The following TOP1MT variants were observed in gnomAD, a reference collection of about 807,000 sequenced individuals.
TOP1MT encodes the protein DNA topoisomerase I, mitochondrial.
Under a neutral mutation model 73.9 loss-of-function variants are expected in TOP1MT, and 80 were observed. The ratio of observed to expected loss-of-function variants is 1.08; its 90% confidence interval spans 0.90 to 1.30. The LOEUF (loss-of-function observed/expected upper bound fraction) is 1.30. TOP1MT is among the 50% of genes most tolerant of loss of function. TOP1MT has a pLI of 0.00. For missense variants in TOP1MT, 815 were observed against 808.0 expected (o/e 1.01, Z -0.10); for synonymous variants, 338 against 326.4 (o/e 1.04, Z -0.38).
At chr8:143,340,495 C>A (rs1417398163) in intron 2 of TOP1MT, among the ~76,000 whole-genome samples, 1 of 152,082 alleles carries the variant, frequency 6.6e-6, no homozygotes, top group African/African-American at 2.4e-5. Flanking sequence ...TCCCTCTGGA[C>A]ACCCCAGCAT....
upstream of TOP1MT, chr8:143,359,178 C>T (rs868614824): frequency 3.1e-6 from 3 of 971,780 alleles, no homozygotes; most frequent in Middle Eastern, 5.3e-4. Context: ...TAGAGACTCC[C>T]CTGAAAATAG....
intron 2 of TOP1MT, among the ~76,000 whole-genome samples, chr8:143,330,182 G>A (rs556698749): frequency 1.6e-3 from 239 of 152,334 alleles, no homozygotes; most frequent in African/African-American, 5.3e-3. Context: ...GCACAGGCCC[G>A]AGGGGCTCAG....
chr8:143,318,033 G>A lies in TOP1MT; in HGVS notation c.1200C>T (p.Leu400=). The A allele has an allele frequency of 6.2e-7, 1 of 1,614,196 alleles. No homozygotes were observed. The highest frequency in any genetic ancestry group is 8.5e-7 in the Non-Finnish European group (1 of 1,180,030). ...FMENKDPRDD[L]FDRLTTTSLN... ...GCCGGCTTACGGTCAGCCTGTCGAA[G>A]AGGTCGTCCCGGGGGTCCTTGTTCT... Residue 400 remains leucine, a synonymous_variant, in exon 9 of 14, where the codon CTC becomes CTT. Transcript: ENST00000329245.
chr8:143,310,502 G>A (rs1026749609), intron 12 of TOP1MT: 3 of 310,628 alleles, frequency 9.7e-6, no homozygotes, highest in East Asian at 5.4e-5. Flanking sequence ...GACTGAGGCC[G>A]GCCCAAACAG....
intron 7 of TOP1MT, among the ~76,000 whole-genome samples, chr8:143,323,569 ACGC>A: frequency 1.8e-5 from 1 of 56,490 alleles, no homozygotes; most frequent in African/African-American, 3.7e-5. Flanking sequence ...ACACACATGC[ACGC>A]CACACACACA....
chr8:143,348,003 C>T (rs562704099), upstream of TOP1MT, among the ~76,000 whole-genome samples: 148 of 152,236 alleles, frequency 9.7e-4, 1 homozygote, highest in African/African-American at 3.4e-3. The surrounding 1 kb of genome is among the most constrained non-coding windows in gnomAD (Gnocchi z 4.6). Flanking sequence ...TGGGGCCTGA[C>T]CAGGGCCTCC....
In TOP1MT at chr8:143,324,371, C is replaced by A. The variant is rs1320048506; in HGVS notation, c.816+114G>T. The stretch of plus-strand genomic sequence containing the variant: ...CAGCATGACCTCAGCACGGGCTGGC[C>A]GACTCCCAGCCCATCTCAGAAGCCT... On this transcript the variant is annotated intron_variant, in intron 6 of 13. Coordinates refer to ENST00000329245, the MANE Select transcript of TOP1MT (RefSeq NM_052963.3). The A allele has an allele frequency of 2.0e-6, 3 of 1,502,128 alleles. No homozygotes were observed. In the Admixed American group the frequency reaches 6.0e-5, roughly 30 times the overall value. 93.0% of individuals were successfully genotyped at this position (1,502,128 alleles called of 1,614,324 possible).
chr8:143,356,059 T>C (rs940429443), upstream of TOP1MT: 2 of 152,208 alleles, frequency 1.3e-5, no homozygotes, highest in Non-Finnish European at 2.9e-5. Context: ...GAGAACAGGG[T>C]TACGTTGAGG....
chr8:143,327,317 C>G (rs550992143), intron 3 of TOP1MT: 1 of 152,644 alleles, frequency 6.6e-6, no homozygotes, highest in East Asian at 1.9e-4. Context: ...GGGAGAGCCG[C>G]AGATCACAGG....
intron 3 of TOP1MT, among the ~76,000 whole-genome samples, 168 bp from the exon 4 acceptor site, chr8:143,326,512 C>T (rs1161825033): frequency 6.6e-6 from 1 of 152,220 alleles, no homozygotes; most frequent in Non-Finnish European, 1.5e-5. Context: ...TAGAGCCTCT[C>T]CCCGCAGACC....
intron 1 of TOP1MT, among the ~76,000 whole-genome samples, chr8:143,352,341 C>T (rs1392656293): frequency 3.3e-5 from 5 of 152,128 alleles, no homozygotes; most frequent in Admixed American, 2.0e-4. Context: ...CAGAAGGACA[C>T]GCAGAGACCG....
chr8:143,311,666 A>C (rs1235518208), intron 12 of TOP1MT, among the ~76,000 whole-genome samples: 1 of 151,876 alleles, frequency 6.6e-6, no homozygotes, highest in East Asian at 1.9e-4. Flanking sequence ...AAATAGTTTG[A>C]ACCCGGGAGG....
At chr8:143,351,590 AAAG>A (rs1817321985) in intron 1 of TOP1MT, among the ~76,000 whole-genome samples, 1 of 151,952 alleles carries the variant, frequency 6.6e-6, no homozygotes, top group African/African-American at 2.4e-5. Flanking sequence ...AAAAAAAAAA[AAAG>A]AAAAAAAGAA....
rs779633318 is a variant in TOP1MT, at chr8:143,329,330, C to T, written c.360+20G>A. ...CCAGCCAGGTCCAGGACAGCTGTGG[C>T]GGCCGCCCAGGGTACCTACCTTTCG... On this transcript the variant is annotated intron_variant, in intron 3 of 13. Coordinates refer to ENST00000329245, the MANE Select transcript of TOP1MT (RefSeq NM_052963.3). 4.5e-5 allele frequency: 72 copies of T among 1,586,098 alleles called. No homozygotes were observed. In the Middle Eastern group the frequency reaches 5.0e-4, roughly 11 times the overall value.
chr8:143,315,376 G>T (rs570653607), intron 12 of TOP1MT, among the ~76,000 whole-genome samples: 1 of 152,192 alleles, frequency 6.6e-6, no homozygotes, highest in East Asian at 1.9e-4. Flanking sequence ...TCTCTGCCTC[G>T]GCTGCCAAAC....
intron 8 of TOP1MT, among the ~76,000 whole-genome samples, chr8:143,319,129 G>A (rs1056081553): frequency 2.6e-5 from 4 of 151,918 alleles, no homozygotes; most frequent in Admixed American, 6.5e-5. Flanking sequence ...TCCTACCTCC[G>A]ATTAATTCAT....
At chr8:143,333,554 T>C (rs538840914) in intron 1 of TOP1MT, among the ~76,000 whole-genome samples, 1 of 152,312 alleles carries the variant, frequency 6.6e-6, no homozygotes. Context: ...ATTTCACAGA[T>C]GAAGACACTG....
chr8:143,310,849 C>G (rs189989884), intron 12 of TOP1MT, among the ~76,000 whole-genome samples: 1 of 152,092 alleles, frequency 6.6e-6, no homozygotes, highest in African/African-American at 2.4e-5. Context: ...CCCCAGGGGC[C>G]GAGGGACACA....
chr8:143,324,911 G>A (rs572317450), intron 5 of TOP1MT, among the ~76,000 whole-genome samples: 5 of 152,186 alleles, frequency 3.3e-5, no homozygotes, highest in Non-Finnish European at 5.9e-5. Flanking sequence ...CTGGGACGAC[G>A]AGTGCCCTGC....
Sources: gnomAD v4.1 joint callset for allele counts (sites outside exome capture counted in the v4.1 genomes callset) on GRCh38, gnomAD v4.1.1 for gene constraint, Gnocchi (gnomAD v3.1) non-coding constraint, MANE v1.5 for transcripts, NCBI Gene and HGNC (gene_info 2026-07-23, HGNC 2026-07-21) for gene names.